Variants in CADM1 observed in about 807,000 individuals in gnomAD.
The protein encoded by CADM1 is TSLC-1.
Under a neutral mutation model 53.1 loss-of-function variants are expected in CADM1, and 15 were observed. The observed-to-expected ratio is 0.28, with a 90% CI of 0.19 to 0.44. The LOEUF (loss-of-function observed/expected upper bound fraction) is 0.44. CADM1 is among the 20% of genes least tolerant of loss of function. The pLI is 1.00. For missense variants in CADM1, 434 were observed against 611.3 expected, an observed-to-expected ratio of 0.71 and a Z score of 3.06; for synonymous variants, 281 against 243.0, an observed-to-expected ratio of 1.16 and a Z score of -1.45.
At chr11:115,335,053 AG>A (rs1945232667) in intron 1 of CADM1, among the ~76,000 whole-genome samples, 1 of 152,098 alleles carries the variant, frequency 6.6e-6, no homozygotes, top group African/African-American at 2.4e-5. Context: ...CTTAAAGATG[AG>A]CTTTTCAAAA....
intron 3 of CADM1, among the ~76,000 whole-genome samples, chr11:115,238,228 G>C: frequency 6.6e-6 from 1 of 152,164 alleles, no homozygotes. Context: ...CATGTGGTGA[G>C]TGATTCATTT....
At chr11:115,255,686 C>A (rs1047171810) in intron 1 of CADM1, among the ~76,000 whole-genome samples, 11 of 152,034 alleles carry the variant, frequency 7.2e-5, no homozygotes, top group Non-Finnish European at 1.6e-4. Context: ...ATCCTAGCCA[C>A]CAAATTAGGC....
At chr11:115,255,271 A>G (rs1354536389) in intron 1 of CADM1, among the ~76,000 whole-genome samples, 5 of 152,216 alleles carry the variant, frequency 3.3e-5, no homozygotes, top group Non-Finnish European at 4.4e-5. Flanking sequence ...GGACACATAC[A>G]TTCTGCAATA....
intron 7 of CADM1, among the ~76,000 whole-genome samples, chr11:115,211,856 A>C (rs148986186): frequency 6.6e-6 from 1 of 152,280 alleles, no homozygotes; most frequent in Non-Finnish European, 1.5e-5. Flanking sequence ...CAATACAATA[A>C]GAGTAGATCT....
chr11:115,307,517 A>AAATAT (rs10673324), intron 1 of CADM1, among the ~76,000 whole-genome samples: 2,236 of 144,246 alleles, frequency 0.016, 40 homozygotes, highest in African/African-American at 0.05. Context: ...GGAAAAAAAA[A>AAATAT]ATATATATAT....
chr11:115,234,160 C>A (rs1226876890), intron 3 of CADM1, among the ~76,000 whole-genome samples: 2 of 152,112 alleles, frequency 1.3e-5, no homozygotes, highest in Non-Finnish European at 2.9e-5. Context: ...GCCTGGAAAC[C>A]CCTTGTCTCT....
chr11:115,255,894 G>C (rs1035382104), intron 1 of CADM1, among the ~76,000 whole-genome samples: 25 of 152,170 alleles, frequency 1.6e-4, no homozygotes, highest in Admixed American at 1.5e-3. Flanking sequence ...TCCCAAAGCA[G>C]CTAGCTGACT....
intron 1 of CADM1, among the ~76,000 whole-genome samples, chr11:115,435,292 G>T (rs927399943): frequency 6.6e-6 from 1 of 152,138 alleles, no homozygotes; most frequent in Non-Finnish European, 1.5e-5. Flanking sequence ...TGGAACTGGG[G>T]TTGGCAAACT....
chr11:115,335,163 T>C (rs1462252904), intron 1 of CADM1, among the ~76,000 whole-genome samples: 1 of 152,104 alleles, frequency 6.6e-6, no homozygotes, highest in Admixed American at 6.6e-5. Flanking sequence ...GTCAGGGGTG[T>C]GGTTCTCAAA....
At chr11:115,272,693 C>T (rs1434789207) in intron 1 of CADM1, among the ~76,000 whole-genome samples, 3 of 135,110 alleles carry the variant, frequency 2.2e-5, no homozygotes, top group Non-Finnish European at 3.0e-5. Flanking sequence ...AGACCTATTT[C>T]GATCTAGTTT....
At chr11:115,265,728 T>C (rs531338762) in intron 1 of CADM1, among the ~76,000 whole-genome samples, 1 of 152,328 alleles carries the variant, frequency 6.6e-6, no homozygotes, top group East Asian at 1.9e-4. Flanking sequence ...TAAAAAGAGA[T>C]ACACACATGC....
intron 1 of CADM1, among the ~76,000 whole-genome samples, chr11:115,298,570 T>C (rs1482074771): frequency 6.6e-6 from 1 of 152,218 alleles, no homozygotes; most frequent in Non-Finnish European, 1.5e-5. Context: ...TGTTCATGAA[T>C]CATTGATCCT....
intron 1 of CADM1, among the ~76,000 whole-genome samples, chr11:115,495,482 T>C (rs927884321): frequency 6.6e-6 from 1 of 152,196 alleles, no homozygotes; most frequent in Non-Finnish European, 1.5e-5. Flanking sequence ...CTGGCAGATA[T>C]TGCTCCCAGA....
At chr11:115,441,891 T>C (rs913346675) in intron 1 of CADM1, among the ~76,000 whole-genome samples, 8 of 151,842 alleles carry the variant, frequency 5.3e-5, no homozygotes, top group African/African-American at 1.5e-4. Context: ...AAAAAACCCA[T>C]GATAGTTCTA....
chr11:115,409,737 G>GA (rs34048832), intron 1 of CADM1, among the ~76,000 whole-genome samples: 1,922 of 135,744 alleles, frequency 0.014, 21 homozygotes, highest in African/African-American at 0.038. Flanking sequence ...TAAGCTTGAA[G>GA]AAAAAAAAAA....
chr11:115,308,211 T>TATATATATACAC (rs139012671), intron 1 of CADM1, among the ~76,000 whole-genome samples: 37,227 of 138,974 alleles, frequency 0.27, 5,794 homozygotes, highest in East Asian at 0.56. Context: ...TATATATATA[T>TATATATATACAC]ACACACCTAT....
intron 1 of CADM1, among the ~76,000 whole-genome samples, chr11:115,416,866 T>C (rs1947612496): frequency 6.6e-6 from 1 of 152,192 alleles, no homozygotes; most frequent in Non-Finnish European, 1.5e-5. Context: ...AATTATTGTT[T>C]AGACTGAATC....
intron 1 of CADM1, chr11:115,399,492 C>G (rs971785315): frequency 5.9e-5 from 9 of 152,076 alleles, no homozygotes; most frequent in African/African-American, 1.9e-4. Flanking sequence ...CTGATGTATC[C>G]AAGCATAAGA....
At chr11:115,278,056 C>T (rs1235450460) in intron 1 of CADM1, among the ~76,000 whole-genome samples, 1 of 152,070 alleles carries the variant, frequency 6.6e-6, no homozygotes, top group Non-Finnish European at 1.5e-5. Context: ...TGCAGAGAAG[C>T]TTATCTCTAC....
Sources: gnomAD v4.1 joint callset for allele counts (sites outside exome capture counted in the v4.1 genomes callset) on GRCh38, gnomAD v4.1.1 for gene constraint, MANE v1.5 for transcripts, NCBI Gene and HGNC (gene_info 2026-07-23, HGNC 2026-07-21) for gene names.